The following SBF2 variants were observed in gnomAD, a reference collection of about 807,000 sequenced individuals.
SBF2 encodes SET binding factor 2, also known as myotubularin-related protein 13.
In SBF2, 112 loss-of-function variants were observed where a neutral mutation model predicts 225.2. That is an observed-to-expected ratio of 0.50 (90% confidence interval 0.43 to 0.58). The LOEUF (loss-of-function observed/expected upper bound fraction) is 0.58. SBF2 is among the 20% of genes least tolerant of loss of function. The probability of loss-of-function intolerance (pLI) is 0.00; values close to 1 mark genes in which losing one functional copy is unlikely to be tolerated. For missense variants in SBF2, 1,996 were observed against 2,206.2 expected, an observed-to-expected ratio of 0.90 and a Z score of 1.91; for synonymous variants, 763 against 773.3, an observed-to-expected ratio of 0.99 and a Z score of 0.22.
intron 16 of SBF2, among the ~76,000 whole-genome samples, chr11:9,945,350 G>T (rs544461939): frequency 2.9e-3 from 440 of 152,268 alleles, no homozygotes; most frequent in Middle Eastern, 0.017. Flanking sequence ...ATGAAGAAAG[G>T]ACTTCCTATT....
chr11:10,207,168 G>A (rs1957778874), intron 1 of SBF2, among the ~76,000 whole-genome samples: 3 of 152,032 alleles, frequency 2.0e-5, no homozygotes, highest in Admixed American at 1.3e-4. Flanking sequence ...AACCATGAAG[G>A]ACAGAAGAAA....
At chr11:10,110,918 T>G (rs1481794402) in intron 2 of SBF2, among the ~76,000 whole-genome samples, 1 of 152,188 alleles carries the variant, frequency 6.6e-6, no homozygotes, top group African/African-American at 2.4e-5. Context: ...TTATTTTATA[T>G]GAAAATGTTT....
chr11:9,889,882 G>A (rs1275040883), intron 17 of SBF2, among the ~76,000 whole-genome samples: 2 of 152,044 alleles, frequency 1.3e-5, no homozygotes, highest in Non-Finnish European at 2.9e-5. Flanking sequence ...TGACAGAAAT[G>A]TTCTACCTAT....
chr11:9,789,729 C>G (rs1852619665), intron 34 of SBF2, among the ~76,000 whole-genome samples: 1 of 152,120 alleles, frequency 6.6e-6, no homozygotes, highest in South Asian at 2.1e-4. Flanking sequence ...TTATGTATAC[C>G]CCAGCCCACA....
In SBF2 at chr11:9,976,873, A is replaced by G. The variant is rs1490341525; in HGVS notation, c.1396-8328T>C. 2.6e-5 allele frequency among the ~76,000 whole-genome samples: 4 copies of G among 151,324 alleles called. No homozygotes were observed. In the East Asian group the frequency reaches 7.9e-4, roughly 30 times the overall value. On this transcript the variant is annotated intron_variant, in intron 13 of 39. Coordinates refer to ENST00000256190, the MANE Select transcript of SBF2 (RefSeq NM_030962.4). Reference sequence around the variant, plus strand: ...AACCTCCACCTCCCGGGTTCACGCCATTCTCCTGCCTCAGCCTCTCCGAGT... The same window carrying G: ...AACCTCCACCTCCCGGGTTCACGCCGTTCTCCTGCCTCAGCCTCTCCGAGT...
At chr11:9,856,108 G>A (rs1294844408) in intron 19 of SBF2, among the ~76,000 whole-genome samples, 2 of 152,172 alleles carry the variant, frequency 1.3e-5, no homozygotes, top group African/African-American at 4.8e-5. Flanking sequence ...AGGAAAAGGA[G>A]GGCTGAGAAA....
chr11:10,086,052 CGTGT>C (rs1415744952), intron 2 of SBF2, among the ~76,000 whole-genome samples: 1 of 142,774 alleles, frequency 7.0e-6, no homozygotes, highest in Non-Finnish European at 1.5e-5. Flanking sequence ...TGTGCATGCA[CGTGT>C]GTGTGTTCTA....
At chr11:9,855,223 T>C (rs1375359865) in intron 19 of SBF2, among the ~76,000 whole-genome samples, 4 of 151,978 alleles carry the variant, frequency 2.6e-5, no homozygotes, top group Non-Finnish European at 1.5e-5. Context: ...TCTATATGGG[T>C]GGGGGTAAGA....
intron 2 of SBF2, among the ~76,000 whole-genome samples, chr11:10,098,901 T>C (rs1334502345): frequency 6.6e-6 from 1 of 151,980 alleles, no homozygotes; most frequent in East Asian, 1.9e-4. Flanking sequence ...GCAGGATTTA[T>C]GAGACAAAAT....
chr11:9,952,664 G>A (rs1865925617), intron 16 of SBF2, among the ~76,000 whole-genome samples: 1 of 151,896 alleles, frequency 6.6e-6, no homozygotes, highest in Non-Finnish European at 1.5e-5. Context: ...TGGGCTTTTG[G>A]GTGGTAGCAG....
At chr11:9,796,028 G>C (rs1008633021) in intron 32 of SBF2, 71 bp from the exon 33 acceptor site, 33 of 1,481,500 alleles carry the variant, frequency 2.2e-5, no homozygotes, top group Non-Finnish European at 3.0e-5. Context: ...GCCACTGAAG[G>C]CTTAACTGAA....
At chr11:10,143,867 G>A (rs1591058701) in intron 2 of SBF2, among the ~76,000 whole-genome samples, 1 of 152,138 alleles carries the variant, frequency 6.6e-6, no homozygotes, top group Non-Finnish European at 1.5e-5. Flanking sequence ...ACAGGCACTC[G>A]CTACCGCGCC....
chr11:9,802,874 G>C (rs1853571815), intron 32 of SBF2, among the ~76,000 whole-genome samples: 1 of 152,144 alleles, frequency 6.6e-6, no homozygotes, highest in Non-Finnish European at 1.5e-5. Context: ...CATCACCAAA[G>C]CTGATACCTC....
chr11:10,276,595 A>G (rs1404137028), intron 1 of SBF2, among the ~76,000 whole-genome samples: 1 of 152,252 alleles, frequency 6.6e-6, no homozygotes, highest in Non-Finnish European at 1.5e-5. Context: ...TTAAAGCCAG[A>G]AAACTGGGTT....
At chr11:10,049,841 A>G (rs991192187) in intron 2 of SBF2, among the ~76,000 whole-genome samples, 1 of 152,212 alleles carries the variant, frequency 6.6e-6, no homozygotes, top group Non-Finnish European at 1.5e-5. Context: ...TCAGGCTACA[A>G]TAAAAGCCAA....
At chr11:10,047,414 A>C (rs1949904536) in intron 2 of SBF2, among the ~76,000 whole-genome samples, 1 of 152,194 alleles carries the variant, frequency 6.6e-6, no homozygotes, top group African/African-American at 2.4e-5. Context: ...TGGCAAAAGA[A>C]TAGGCAAAGA....
intron 2 of SBF2, among the ~76,000 whole-genome samples, chr11:10,081,335 A>G (rs1223111975): frequency 6.6e-6 from 1 of 152,234 alleles, no homozygotes; most frequent in Non-Finnish European, 1.5e-5. Context: ...CTATGGGTCA[A>G]CAATGAAATT....
chr11:9,853,914 C>T (rs553578768), intron 19 of SBF2, among the ~76,000 whole-genome samples: 6 of 152,180 alleles, frequency 3.9e-5, no homozygotes, highest in Non-Finnish European at 8.8e-5. Context: ...AAACTACTGT[C>T]AGGCAGTAAG....
chr11:10,215,248 T>A (rs908353223), intron 1 of SBF2, among the ~76,000 whole-genome samples: 1 of 152,006 alleles, frequency 6.6e-6, no homozygotes, highest in African/African-American at 2.4e-5. Flanking sequence ...AAGCAGCCTA[T>A]AGGGAAAAAA....
Sources: gnomAD v4.1 joint callset for allele counts (sites outside exome capture counted in the v4.1 genomes callset) on GRCh38, gnomAD v4.1.1 for gene constraint, MANE v1.5 for transcripts, NCBI Gene and HGNC (gene_info 2026-07-23, HGNC 2026-07-21) for gene names.